CADPS2: variants seen among roughly 807,000 people sequenced by gnomAD.
The protein encoded by CADPS2 is calcium dependent secretion activator 2.
A neutral mutation model predicts 172.5 loss-of-function variants in CADPS2; 93 were observed. That is an observed-to-expected ratio of 0.54 (90% confidence interval 0.46 to 0.64). The LOEUF (loss-of-function observed/expected upper bound fraction) is 0.64. Among genes scored for constraint, CADPS2 ranks in the 30% least tolerant of loss-of-function variants. CADPS2 has a pLI of 0.00. For missense variants in CADPS2, 1,420 were observed against 1,565.9 expected (o/e 0.91, Z 1.57); for synonymous variants, 546 against 555.2 (o/e 0.98, Z 0.23).
intron 1 of CADPS2, among the ~76,000 whole-genome samples, chr7:122,761,252 T>C (rs188235939): frequency 6.0e-4 from 92 of 152,226 alleles, no homozygotes; most frequent in Non-Finnish European, 1.1e-3. Flanking sequence ...AGTGAACGTT[T>C]CCATACACAA....
intron 9 of CADPS2, among the ~76,000 whole-genome samples, chr7:122,508,851 T>C (rs905325911): frequency 1.3e-5 from 2 of 152,250 alleles, no homozygotes; most frequent in African/African-American, 4.8e-5. Context: ...CAAAGGATAG[T>C]AGAATAATGT....
chr7:122,435,295 A>G (rs904641999), intron 17 of CADPS2, among the ~76,000 whole-genome samples: 4 of 152,196 alleles, frequency 2.6e-5, no homozygotes, highest in African/African-American at 9.6e-5. Context: ...AGTAACTCCT[A>G]TAACTTAACA....
chr7:122,709,458 G>A (rs961742582), intron 2 of CADPS2, among the ~76,000 whole-genome samples: 30 of 151,894 alleles, frequency 2.0e-4, no homozygotes, highest in Non-Finnish European at 3.8e-4. Context: ...CACTGTTGGT[G>A]GGACTGTAAA....
intron 3 of CADPS2, among the ~76,000 whole-genome samples, chr7:122,635,546 T>TG (rs2076989175): frequency 6.6e-6 from 1 of 152,038 alleles, no homozygotes; most frequent in Non-Finnish European, 1.5e-5. Flanking sequence ...TTTTTGTTCT[T>TG]GCGATAGTTT....
At chr7:122,428,764 C>T (rs934588243) in intron 17 of CADPS2, among the ~76,000 whole-genome samples, 1 of 151,906 alleles carries the variant, frequency 6.6e-6, no homozygotes, top group Non-Finnish European at 1.5e-5. Flanking sequence ...CCACTGTACC[C>T]GGCAGAGTAT....
intron 3 of CADPS2, among the ~76,000 whole-genome samples, chr7:122,662,775 A>G (rs964949978): frequency 1.3e-5 from 2 of 152,136 alleles, no homozygotes; most frequent in African/African-American, 4.8e-5. Flanking sequence ...ATCATCCTCA[A>G]TTTATTTCAA....
intron 1 of CADPS2, among the ~76,000 whole-genome samples, chr7:122,857,870 A>G (rs936647774): frequency 6.6e-6 from 1 of 152,098 alleles, no homozygotes; most frequent in Admixed American, 6.6e-5. Context: ...ATATGTCTGG[A>G]GCTTCTTCCT....
intron 2 of CADPS2, among the ~76,000 whole-genome samples, chr7:122,678,859 G>C (rs2082660051): frequency 1.9e-5 from 1 of 51,640 alleles, no homozygotes; most frequent in Non-Finnish European, 3.7e-5. Context: ...GGAGGGACCA[G>C]CTGAAACCAT....
intron 7 of CADPS2, among the ~76,000 whole-genome samples, chr7:122,580,832 C>T (rs2068713704): frequency 6.6e-6 from 1 of 152,012 alleles, no homozygotes; most frequent in Non-Finnish European, 1.5e-5. Context: ...CCTTTGAACC[C>T]AGGGACAAAA....
At chr7:122,471,819 A>T (rs1292669020) in intron 13 of CADPS2, among the ~76,000 whole-genome samples, 1 of 152,158 alleles carries the variant, frequency 6.6e-6, no homozygotes, top group African/African-American at 2.4e-5. Context: ...TGTCATTCAA[A>T]ATTAGTCAAA....
chr7:122,837,374 G>A (rs989776560), intron 1 of CADPS2, among the ~76,000 whole-genome samples: 18 of 152,002 alleles, frequency 1.2e-4, no homozygotes, highest in Admixed American at 1.0e-3. Flanking sequence ...AAGAACTAGA[G>A]AAGCAAGAGC....
rs550459072 is a variant in CADPS2, at chr7:122,752,600, A to G, written c.340-15532T>C. Among the ~76,000 whole-genome samples, 15 of 152,332 alleles carry G rather than the reference A, an allele frequency of 9.8e-5. No homozygotes were observed. The South Asian group carries it at 3.1e-3, about 32-fold the overall frequency. ...CATAACCCAAAGACATAGATGTGAT[A>G]GTTTGTGGCTCCTCACATCTTCCCA... On this transcript the variant is annotated intron_variant, in intron 1 of 29. Transcript: ENST00000449022.
intron 3 of CADPS2, among the ~76,000 whole-genome samples, chr7:122,645,200 A>G (rs1233886436): frequency 7.0e-6 from 1 of 143,002 alleles, no homozygotes; most frequent in African/African-American, 2.5e-5. Context: ...ATACACATAT[A>G]TGTATATACA....
intron 2 of CADPS2, among the ~76,000 whole-genome samples, chr7:122,675,798 A>C (rs960103060): frequency 1.3e-5 from 2 of 152,118 alleles, no homozygotes; most frequent in African/African-American, 2.4e-5. Context: ...GGAGGGGAAC[A>C]ACATACACCA....
chr7:122,440,149 C>G (rs1485068816), intron 16 of CADPS2: 3 of 152,142 alleles, frequency 2.0e-5, no homozygotes, highest in Admixed American at 6.6e-5. Context: ...ACATTTCTGT[C>G]TCAATTCAGC....
At chr7:122,675,168 AAC>A (rs796809096) in intron 2 of CADPS2, among the ~76,000 whole-genome samples, 121 of 152,328 alleles carry the variant, frequency 7.9e-4, no homozygotes, top group African/African-American at 2.7e-3. Context: ...ACTGGATGGA[AAC>A]ACACTAAGGC....
intron 15 of CADPS2, among the ~76,000 whole-genome samples, chr7:122,449,016 A>T (rs369824126): frequency 2.2e-4 from 33 of 152,234 alleles, no homozygotes; most frequent in African/African-American, 7.5e-4. Context: ...TGAGAATCAC[A>T]AAGAAAGAGA....
At chr7:122,475,799 C>T (rs2056565534) in intron 12 of CADPS2, among the ~76,000 whole-genome samples, 1 of 152,064 alleles carries the variant, frequency 6.6e-6, no homozygotes, top group Non-Finnish European at 1.5e-5. Context: ...GTGAATATAG[C>T]AAGTAATCAA....
intron 14 of CADPS2, among the ~76,000 whole-genome samples, chr7:122,459,905 A>T (rs1478459042): frequency 6.6e-6 from 1 of 152,208 alleles, no homozygotes; most frequent in Non-Finnish European, 1.5e-5. Flanking sequence ...CAATAAGTAT[A>T]CAATTACATT....
Sources: allele counts gnomAD v4.1 joint callset (sites outside exome capture counted in the v4.1 genomes callset), GRCh38; gene constraint gnomAD v4.1.1; transcripts MANE v1.5; gene names NCBI Gene and HGNC (gene_info 2026-07-23, HGNC 2026-07-21).